The following LSG1 variants were observed in gnomAD, a reference collection of about 807,000 sequenced individuals.
The protein encoded by LSG1 is large 60S subunit nuclear export GTPase 1.
In LSG1, 55 loss-of-function variants were observed where a neutral mutation model predicts 82.6. That is an observed-to-expected ratio of 0.67 (90% CI 0.54 to 0.83). The LOEUF (loss-of-function observed/expected upper bound fraction) is 0.83, where lower values mean the gene tolerates loss of function less well. Among genes scored for constraint, LSG1 ranks in the 40% least tolerant of loss-of-function variants. The pLI is 0.00. For missense variants in LSG1, 809 were observed against 807.9 expected, an observed-to-expected ratio of 1.00 and a Z score of -0.02; for synonymous variants, 272 against 282.5, an observed-to-expected ratio of 0.96 and a Z score of 0.37.
rs534907393 is a variant in LSG1, at chr3:194,643,946, C to T, written c.1797+627G>A. Among the ~76,000 whole-genome samples, 15 of 152,184 alleles carry T rather than the reference C, an allele frequency of 9.9e-5. No individual in the cohort carries two copies. In the East Asian group the frequency reaches 1.9e-3, roughly 20 times the overall value. ...CACGCTAAATGAAAGAAGCCTGTCA[C>T]GAAGAGCACACAGTATGATTCCAGT... On this transcript the variant is annotated intron_variant, in intron 13 of 13. Transcript: ENST00000265245.
In LSG1 at chr3:194,645,551, C is replaced by CAG. The variant is rs1560219734; in HGVS notation, c.1623+612_1623+613insCT. Reference sequence around the variant, plus strand: ...ACACAGACAGACACACACACACACACACACACACACACACACACAGACAGA... The same window carrying CAG: ...ACACAGACAGACACACACACACACACAGACACACACACACACACACAGACAGA... On this transcript the variant is annotated intron_variant, in intron 12 of 13. Coordinates refer to ENST00000265245, the MANE Select transcript of LSG1 (RefSeq NM_018385.3). 4.7e-4 allele frequency: 23 copies of CAG among 48,716 alleles called. 2 individuals are homozygous for CAG. Among genetic ancestry groups the CAG allele is most frequent in the African/African-American group, 1.3e-3 (19 of 14,650 alleles). The allele number at this position is 48,716 out of a possible 1,614,324, so 3.0% of individuals were successfully genotyped here.
intron 2 of LSG1, among the ~76,000 whole-genome samples, chr3:194,667,677 A>G (rs1719056718): frequency 6.6e-6 from 1 of 151,556 alleles, no homozygotes; most frequent in African/African-American, 2.4e-5. Flanking sequence ...TAATCCCAGC[A>G]CTTTGGGAGG....
chr3:194,646,393 A>C (rs771740438), intron 11 of LSG1, 150 bp from the exon 12 acceptor site: 5 of 565,602 alleles, frequency 8.8e-6, no homozygotes, highest in Non-Finnish European at 1.3e-5. Flanking sequence ...GTTTAGCATT[A>C]AAAACACTAG....
rs558856677 is a variant in LSG1, at chr3:194,649,521, C to CA, written c.1420-718dup. The stretch of plus-strand genomic sequence containing the variant: ...CAACATGGTGAAACCCCATCTCTAC[C>CA]AAAAAAAAAAAAAAAAAATTAACTG... On this transcript the variant is annotated intron_variant, in intron 10 of 13. Coordinates refer to ENST00000265245, the MANE Select transcript of LSG1 (RefSeq NM_018385.3). Among the ~76,000 whole-genome samples the CA allele has an allele frequency of 6.5e-3, 788 of 121,708 alleles. 3 individuals are homozygous for CA. The highest frequency in any genetic ancestry group is 0.014 in the African/African-American group (490 of 34,046). The allele number at this position is 121,708 out of a possible 152,430, so 79.8% of individuals were successfully genotyped here.
chr3:194,661,834 C>T (rs536456525), intron 5 of LSG1, among the ~76,000 whole-genome samples: 1 of 152,106 alleles, frequency 6.6e-6, no homozygotes, highest in Non-Finnish European at 1.5e-5. Context: ...AGAAATATCA[C>T]ATAACAAAAA....
chr3:194,670,094 ACGAC>A lies in LSG1; in HGVS notation c.137_140del (p.Gly46ValfsTer7). On this transcript the variant is annotated frameshift_variant, in exon 2 of 14. Coordinates refer to ENST00000265245, the MANE Select transcript of LSG1 (RefSeq NM_018385.3). LOFTEE classifies it high-confidence loss of function. ...GTTCAGTCACTGACTGAAGATTAAG[ACGAC>A]CCCAATCATAGCCATCATTGAGTTC... 3 of 1,613,926 alleles carry A rather than the reference ACGAC, an allele frequency of 1.9e-6. No individual in the cohort carries two copies. Among genetic ancestry groups the A allele is most frequent in the Non-Finnish European group, 2.5e-6 (3 of 1,179,962 alleles).
Position 194,642,323 on chromosome 3 carries a change from G to A in LSG1, c.1798-76C>T, listed in dbSNP as rs910928339. ...AGGGATATGCACAGTACTATTAGTG[G>A]ATCACTTCAAGATAAAAAGGAGTCA... On this transcript the variant is annotated intron_variant, in intron 13 of 13. Coordinates refer to ENST00000265245, the MANE Select transcript of LSG1 (RefSeq NM_018385.3). The A allele has an allele frequency of 1.7e-5, 22 of 1,272,860 alleles. No homozygotes were observed. In the African/African-American group the frequency reaches 3.3e-4, roughly 19 times the overall value. The allele number at this position is 1,272,860 out of a possible 1,614,324, so 78.8% of individuals were successfully genotyped here. A position where few individuals can be genotyped will look rare whatever the true frequency, so the allele number is the denominator to read the frequency against.
At chr3:194,665,199 G>A (rs1719007811) in intron 5 of LSG1, among the ~76,000 whole-genome samples, 3 of 152,096 alleles carry the variant, frequency 2.0e-5, no homozygotes, top group Admixed American at 6.6e-5. Context: ...TCTGACATTC[G>A]CCTCTCCCCA....
At chr3:194,646,401 T>A in intron 11 of LSG1, 158 bp from the exon 12 acceptor site, 1 of 542,790 alleles carries the variant, frequency 1.8e-6, no homozygotes, top group Non-Finnish European at 3.3e-6. Context: ...TTAAAAACAC[T>A]AGATAATCCA....
chr3:194,649,156 G>T (rs1675954), intron 10 of LSG1: 151,761 of 226,334 alleles, frequency 0.67, 51,708 homozygotes, highest in East Asian at 0.87. Context: ...CCTACAGTTA[G>T]GCAGGATTAC....
At chr3:194,648,107 ACAAGGTTCTC>A (rs1718591957) in intron 11 of LSG1, among the ~76,000 whole-genome samples, 1 of 144,396 alleles carries the variant, frequency 6.9e-6, no homozygotes, top group Non-Finnish European at 1.5e-5. Flanking sequence ...TTAGGTAGAC[ACAAGGTTCTC>A]CAGGCCACCT....
At chr3:194,666,839 G>A (rs76552096) in intron 2 of LSG1, among the ~76,000 whole-genome samples, 5,015 of 152,144 alleles carry the variant, frequency 0.033, 134 homozygotes, top group Middle Eastern at 0.092. Context: ...TGAACATTCA[G>A]TTTCCAAGTT....
At chr3:194,654,699 A>G (rs1000780355) in intron 7 of LSG1, among the ~76,000 whole-genome samples, 1 of 152,226 alleles carries the variant, frequency 6.6e-6, no homozygotes, top group African/African-American at 2.4e-5. Flanking sequence ...AATGTGTAGT[A>G]GAAAAACTAC....
chr3:194,666,246 C>T lies in LSG1; in HGVS notation c.391G>A (p.Ala131Thr). 3.1e-6 allele frequency: 5 copies of T among 1,614,080 alleles called. No homozygotes were observed. Among genetic ancestry groups the T allele is most frequent in the Non-Finnish European group, 4.2e-6 (5 of 1,180,012 alleles). Residue 131 changes from alanine (A) to threonine (T), a missense_variant, in exon 4 of 14, where the codon GCA becomes ACA. Physicochemically the swap from Ala to Thr is moderately conservative, Grantham distance 58. Transcript: ENST00000265245. ...CATTCTAGAAAGTTATCTTTCTCTGCTTGTTTGAGTTCTTCTGGGGTAGTA... is the reference window on the plus strand; with the variant it reads ...CATTCTAGAAAGTTATCTTTCTCTGTTTGTTTGAGTTCTTCTGGGGTAGTA... The part of the protein sequence containing the change: ...QNTTPEELKQ[A>T]EKDNFLEWRR...
At chr3:194,642,370 C>T in intron 13 of LSG1, 123 bp from the exon 14 acceptor site, 2 of 686,148 alleles carry the variant, frequency 2.9e-6, no homozygotes, top group Non-Finnish European at 4.5e-6. Context: ...AACTTCCGCC[C>T]CCCTCCCCTT....
intron 5 of LSG1, among the ~76,000 whole-genome samples, chr3:194,664,545 T>C (rs1318530257): frequency 1.3e-5 from 2 of 152,124 alleles, no homozygotes; most frequent in Non-Finnish European, 2.9e-5. Context: ...CTCCTTAGCA[T>C]TACATGAAAA....
intron 11 of LSG1, among the ~76,000 whole-genome samples, chr3:194,648,218 T>G (rs1282911854): frequency 6.6e-6 from 1 of 152,002 alleles, no homozygotes; most frequent in African/African-American, 2.4e-5. Context: ...CTCATCTTAA[T>G]GTCAAATAAG....
intron 7 of LSG1, among the ~76,000 whole-genome samples, chr3:194,658,221 C>G (rs1231489125): frequency 2.6e-5 from 4 of 152,102 alleles, no homozygotes; most frequent in African/African-American, 9.7e-5. Context: ...GATCTCGGTT[C>G]ACTACAACCT....
chr3:194,648,759 T>C lies in LSG1; in HGVS notation c.1465A>G (p.Ile489Val). ...PRHVLEATYGINIITPREDED... is the reference protein window; with the variant it reads ...PRHVLEATYGVNIITPREDED... ...TCCTCTCTAGGCGTTATGATGTTAA[T>C]GCCATAGGTAGCTTCTAAAACATGT... The change falls in exon 11 of 14, where the codon ATT becomes GTT. Residue 489 changes from isoleucine (I) to valine (V), a missense_variant. Ile to Val is a conservative substitution (Grantham distance 29). Transcript: ENST00000265245. The C allele has an allele frequency of 6.2e-7, 1 of 1,614,000 alleles. No homozygotes were observed. The highest frequency in any genetic ancestry group is 2.2e-5 in the East Asian group (1 of 44,878).
Sources: gnomAD v4.1 joint callset for allele counts (sites outside exome capture counted in the v4.1 genomes callset) on GRCh38, gnomAD v4.1.1 for gene constraint, MANE v1.5 for transcripts, NCBI Gene and HGNC (gene_info 2026-07-23, HGNC 2026-07-21) for gene names.